The following PHAX variants were observed in gnomAD, a reference collection of about 807,000 sequenced individuals.
The protein encoded by PHAX is phosphorylated adapter RNA export protein.
A neutral mutation model predicts 41.6 loss-of-function variants in PHAX; 31 were observed. The ratio of observed to expected loss-of-function variants is 0.75; its 90% CI spans 0.56 to 1.01. The LOEUF (loss-of-function observed/expected upper bound fraction) is 1.01. Among genes scored for constraint, PHAX ranks in the 50% least tolerant of loss-of-function variants. PHAX has a pLI of 0.00. For missense variants in PHAX, 453 were observed against 472.9 expected (o/e 0.96, Z 0.39); for synonymous variants, 175 against 164.9 (o/e 1.06, Z -0.47).
intron 3 of PHAX, among the ~76,000 whole-genome samples, chr5:126,611,453 G>T (rs931039731): frequency 2.0e-5 from 3 of 152,138 alleles, no homozygotes; most frequent in African/African-American, 4.8e-5. Context: ...GTGGTTGGGG[G>T]AAAGGAAGAC....
intron 4 of PHAX, among the ~76,000 whole-genome samples, chr5:126,623,323 A>G (rs1752299533): frequency 1.3e-5 from 2 of 152,132 alleles, no homozygotes; most frequent in South Asian, 4.1e-4. Flanking sequence ...TAGAGAAATC[A>G]TATGTGAGTT....
chr5:126,615,227 A>G (rs145164077), intron 3 of PHAX, among the ~76,000 whole-genome samples: 34 of 152,166 alleles, frequency 2.2e-4, no homozygotes, highest in South Asian at 1.9e-3. Context: ...TTATATGACT[A>G]TGTGTATATG....
chr5:126,617,447 T>C, intron 4 of PHAX, 114 bp downstream of exon 4: 1 of 584,764 alleles, frequency 1.7e-6, no homozygotes. Context: ...GGACTGATTT[T>C]GTTATTATCT....
intron 1 of PHAX, among the ~76,000 whole-genome samples, chr5:126,602,404 A>C (rs1561677859): frequency 1.3e-5 from 2 of 152,098 alleles, no homozygotes; most frequent in Middle Eastern, 6.8e-3. Flanking sequence ...CTTTTTGTCT[A>C]CCTCTGTGGA....
chr5:126,617,267 A>T lies in PHAX; in HGVS notation c.849A>T (p.Arg283Ser). The change falls in exon 4 of 5, where the codon AGA becomes AGT. Residue 283 changes from arginine to serine, a missense_variant. Physicochemically the swap from Arg to Ser is moderately radical, Grantham distance 110. Transcript: ENST00000297540. ...GLFIMNGSRR[R>S]TPGGVFLNLL... Reference sequence around the variant, plus strand: ...TTTTGTAGAATGGTAGTCGAAGAAGAACACCAGGTGGAGTTTTTCTGAATC... The same window carrying T: ...TTTTGTAGAATGGTAGTCGAAGAAGTACACCAGGTGGAGTTTTTCTGAATC... 6.2e-7 allele frequency: 1 copy of T among 1,610,798 alleles called. No homozygotes were observed. Among genetic ancestry groups the T allele is most frequent in the South Asian group, 1.1e-5 (1 of 90,886 alleles).
intron 3 of PHAX, among the ~76,000 whole-genome samples, chr5:126,609,625 A>G (rs1581418176): frequency 5.3e-5 from 8 of 152,116 alleles, no homozygotes. Context: ...CACATGAAAT[A>G]CTGACCACAG....
chr5:126,602,970 A>C (rs920568812), intron 1 of PHAX, among the ~76,000 whole-genome samples: 1 of 148,730 alleles, frequency 6.7e-6, no homozygotes, highest in East Asian at 2.0e-4. Context: ...GCGCCACTGC[A>C]CTCCAGCCTG....
intron 2 of PHAX, among the ~76,000 whole-genome samples, chr5:126,606,292 T>C (rs1259845475): frequency 2.6e-5 from 4 of 151,956 alleles, no homozygotes. Context: ...GCCTCCTGGG[T>C]TCAAGCAATT....
chr5:126,609,140 G>A lies in PHAX; in HGVS notation c.831+656G>A, dbSNP rs59645442. Among the ~76,000 whole-genome samples, 4 of 119,574 alleles carry A rather than the reference G, an allele frequency of 3.3e-5. No homozygotes were observed. In the East Asian group the frequency reaches 7.9e-4, roughly 24 times the overall value. The allele number at this position is 119,574 out of a possible 152,430, so 78.4% of individuals were successfully genotyped here. A position where few individuals can be genotyped will look rare whatever the true frequency, so the allele number is the denominator to read the frequency against. On this transcript the variant is annotated intron_variant, in intron 3 of 4. Coordinates refer to ENST00000297540, the MANE Select transcript of PHAX (RefSeq NM_032177.4). ...TTTTGAGAAGGAGTCTCGCTCTGTC[G>A]CCCAGACTGGAGTGCAGTGGCGCAA... is the stretch of plus-strand genomic sequence containing the variant.
chr5:126,608,964 A>C (rs1213574656), intron 3 of PHAX, among the ~76,000 whole-genome samples: 2 of 151,696 alleles, frequency 1.3e-5, no homozygotes, highest in East Asian at 3.9e-4. Context: ...AAAAGAAAAA[A>C]AAATTAGTAC....
Position 126,604,894 on chromosome 5 carries a change from C to T in PHAX, c.710+711C>T, listed in dbSNP as rs1243499787. 3.3e-5 allele frequency among the ~76,000 whole-genome samples: 5 copies of T among 152,064 alleles called. No individual in the cohort carries two copies. The East Asian group carries it at 5.8e-4, about 18-fold the overall frequency. On this transcript the variant is annotated intron_variant, in intron 2 of 4. Coordinates refer to ENST00000297540, the MANE Select transcript of PHAX (RefSeq NM_032177.4). ...ACTAAAAATACAAAAATTAGCTGGGCGTGGTAGTGGGCGCCTGTAATCCCA... is the reference window on the plus strand; with the variant it reads ...ACTAAAAATACAAAAATTAGCTGGGTGTGGTAGTGGGCGCCTGTAATCCCA...
intron 3 of PHAX, 67 bp downstream of exon 3, chr5:126,608,551 T>G: frequency 1.1e-6 from 1 of 876,728 alleles, no homozygotes; most frequent in Non-Finnish European, 1.7e-6. Context: ...GATTACAAAT[T>G]TAACTTTGCC....
At chr5:126,612,830 A>G (rs762209654) in intron 3 of PHAX, among the ~76,000 whole-genome samples, 11 of 152,218 alleles carry the variant, frequency 7.2e-5, no homozygotes, top group Non-Finnish European at 1.5e-4. Flanking sequence ...GGGGTGAAGG[A>G]AAAGTGGTCA....
rs1332510464 is a variant in PHAX, at chr5:126,603,821, C to T, written c.348C>T (p.Asn116=). 2.5e-6 allele frequency: 4 copies of T among 1,614,078 alleles called. No individual in the cohort carries two copies. Among genetic ancestry groups the T allele is most frequent in the South Asian group, 1.1e-5 (1 of 91,076 alleles). Residue 116 remains asparagine (N), a synonymous_variant, in exon 2 of 5, where the codon AAC becomes AAT. Transcript: ENST00000297540. ...PPVAGGKKIN[N]IWGAVLQEQN... ...TTGCTGGAGGAAAGAAGATTAACAA[C>T]ATATGGGGTGCTGTGCTGCAGGAAC...
chr5:126,602,126 T>C (rs942827288), intron 1 of PHAX, among the ~76,000 whole-genome samples: 1 of 151,644 alleles, frequency 6.6e-6, no homozygotes, highest in Non-Finnish European at 1.5e-5. Context: ...TTTGTATTTT[T>C]AGTAGAGACG....
chr5:126,615,484 G>A (rs138928796), intron 3 of PHAX, among the ~76,000 whole-genome samples: 1 of 146,886 alleles, frequency 6.8e-6, no homozygotes, highest in East Asian at 2.0e-4. Flanking sequence ...GTCTATTTTA[G>A]TGCCATCTTT....
intron 3 of PHAX, among the ~76,000 whole-genome samples, chr5:126,616,428 TC>T (rs1752184775): frequency 6.6e-6 from 1 of 152,158 alleles, no homozygotes; most frequent in Non-Finnish European, 1.5e-5. Context: ...ACATTTATCT[TC>T]TCCAATTTAA....
Position 126,626,764 on chromosome 5 carries a change from A to T in PHAX, c.*1920A>T, listed in dbSNP as rs1752361621. On this transcript the variant is annotated 3_prime_UTR_variant, in exon 5 of 5. Coordinates refer to ENST00000297540, the MANE Select transcript of PHAX (RefSeq NM_032177.4). ...AAAAAAAAAAAAAATACAAAAAATT[A>T]GCCGGGCATTGTGGTGCATGCCTGT... 1 of 149,548 alleles carries T rather than the reference A, an allele frequency of 6.7e-6. No homozygotes were observed. The highest frequency in any genetic ancestry group is 2.5e-5 in the African/African-American group (1 of 40,506). 9.3% of individuals were successfully genotyped at this position (149,548 alleles called of 1,614,324 possible).
chr5:126,607,910 A>T (rs927606713), intron 2 of PHAX, among the ~76,000 whole-genome samples: 1 of 152,202 alleles, frequency 6.6e-6, no homozygotes, highest in East Asian at 1.9e-4. Context: ...AGCTGTTTCT[A>T]TTTTTTGTTC....
Sources: allele counts gnomAD v4.1 joint callset (sites outside exome capture counted in the v4.1 genomes callset), GRCh38; gene constraint gnomAD v4.1.1; transcripts MANE v1.5; gene names NCBI Gene and HGNC (gene_info 2026-07-23, HGNC 2026-07-21).